KCNIP1: variants seen among roughly 807,000 people sequenced by gnomAD.
KCNIP1 encodes the protein potassium voltage-gated channel interacting protein 1.
KCNIP1 carries 18 observed loss-of-function variants against 33.0 expected under a neutral mutation model. The observed-to-expected ratio is 0.55, with a 90% CI of 0.38 to 0.81. The LOEUF is 0.81. KCNIP1 is among the 30% of genes least tolerant of loss of function. The pLI, the probability that KCNIP1 is intolerant of heterozygous loss-of-function variation, is 0.00. For missense variants in KCNIP1, 238 were observed against 271.6 expected, an observed-to-expected ratio of 0.88 and a Z score of 0.87; for synonymous variants, 93 against 98.3, an observed-to-expected ratio of 0.95 and a Z score of 0.32.
chr5:170,375,695 T>TCCTA (rs1763971654), intron 1 of KCNIP1: 1 of 152,342 alleles, frequency 6.6e-6, no homozygotes, highest in African/African-American at 2.4e-5. Context: ...CAGGCTTGAG[T>TCCTA]CCTAGCCCCT....
At chr5:170,413,204 G>T (rs572506483) in intron 1 of KCNIP1, among the ~76,000 whole-genome samples, 2 of 152,308 alleles carry the variant, frequency 1.3e-5, no homozygotes, top group African/African-American at 4.8e-5. Context: ...TTCCTGTGCC[G>T]ACCTGCATTG....
chr5:170,561,708 A>G (rs184918921), intron 1 of KCNIP1, among the ~76,000 whole-genome samples: 2 of 152,362 alleles, frequency 1.3e-5, no homozygotes, highest in Non-Finnish European at 2.9e-5. Context: ...GGCACACAGT[A>G]GGTACACAAG....
At chr5:170,353,808 C>A (rs1763273524) in exon 1 of KCNIP1, 2 of 1,454,528 alleles carry the variant, frequency 1.4e-6, no homozygotes, top group African/African-American at 1.4e-5. Context: ...CTCCAAGTTC[C>A]TGGGGTGCAC....
chr5:170,521,187 C>G (rs1755352060), intron 1 of KCNIP1, among the ~76,000 whole-genome samples: 1 of 152,206 alleles, frequency 6.6e-6, no homozygotes, highest in Non-Finnish European at 1.5e-5. Context: ...ATCCATCAGC[C>G]ATGGCAGACA....
intron 1 of KCNIP1, among the ~76,000 whole-genome samples, chr5:170,647,111 G>T (rs1235875735): frequency 3.9e-5 from 6 of 152,134 alleles, no homozygotes; most frequent in African/African-American, 1.4e-4. Context: ...AATCGAAGAA[G>T]AGCCAAATAA....
intron 1 of KCNIP1, among the ~76,000 whole-genome samples, chr5:170,667,204 C>T (rs1247499399): frequency 1.3e-5 from 2 of 151,292 alleles, no homozygotes; most frequent in Non-Finnish European, 2.9e-5. Context: ...CCCAGCTACC[C>T]GGGAGGCTGA....
chr5:170,402,206 G>A (rs1463318137), intron 1 of KCNIP1, among the ~76,000 whole-genome samples: 1 of 149,928 alleles, frequency 6.7e-6, no homozygotes. Flanking sequence ...GTTTAATAAT[G>A]TCTACAAAGA....
At chr5:170,679,436 A>T (rs1226479982) in intron 1 of KCNIP1, among the ~76,000 whole-genome samples, 4 of 152,168 alleles carry the variant, frequency 2.6e-5, no homozygotes. Context: ...CTCCCTTTTC[A>T]CAAAGAAGGA....
intron 1 of KCNIP1, among the ~76,000 whole-genome samples, chr5:170,671,624 C>T (rs1172722264): frequency 6.6e-6 from 1 of 152,170 alleles, no homozygotes; most frequent in African/African-American, 2.4e-5. Flanking sequence ...ATGTCTGTCT[C>T]CCCCAGTATG....
At position 170,390,517 on chromosome 5, in the gene KCNIP1, A is replaced by AAATATATATATAT; in HGVS notation, c.88+36554_88+36555insATATATATATATA. The stretch of plus-strand genomic sequence containing the variant: ...GACCCCGTCTCAAAAAAAAAAAACA[A>AAATATATATATAT]ATATATATATATATATATATATTTT... On this transcript the variant is annotated intron_variant, in intron 1 of 7. Transcript: ENST00000377360. Among the ~76,000 whole-genome samples, 279 of 74,426 alleles carry AAATATATATATAT rather than the reference A, an allele frequency of 3.7e-3. 14 individuals are homozygous for AAATATATATATAT. The highest frequency in any genetic ancestry group is 5.3e-3 in the Non-Finnish European group (212 of 40,148). 48.8% of individuals were successfully genotyped at this position (74,426 alleles called of 152,430 possible). A position where few individuals can be genotyped will look rare whatever the true frequency, so the allele number is the denominator to read the frequency against.
At chr5:170,457,137 T>C (rs1369655547) in intron 1 of KCNIP1, among the ~76,000 whole-genome samples, 2 of 152,150 alleles carry the variant, frequency 1.3e-5, no homozygotes, top group Non-Finnish European at 2.9e-5. Context: ...ACAAAAAGTA[T>C]AGAGGAATAC....
intron 1 of KCNIP1, among the ~76,000 whole-genome samples, chr5:170,473,470 C>G (rs1756781786): frequency 1.3e-5 from 2 of 152,182 alleles, no homozygotes; most frequent in Admixed American, 6.5e-5. Context: ...AATTAGAACT[C>G]TGGCCAACTC....
At chr5:170,599,930 G>A (rs1372544762) in intron 1 of KCNIP1, among the ~76,000 whole-genome samples, 1 of 152,194 alleles carries the variant, frequency 6.6e-6, no homozygotes, top group African/African-American at 2.4e-5. Context: ...TTCTGTTTAG[G>A]AGAAAAGTGG....
At chr5:170,432,798 C>T (rs1002078074) in intron 1 of KCNIP1, among the ~76,000 whole-genome samples, 1 of 152,130 alleles carries the variant, frequency 6.6e-6, no homozygotes, top group African/African-American at 2.4e-5. Context: ...ATTAATATCC[C>T]CATTTTACAG....
At chr5:170,545,085 T>C (rs1756362796) in intron 1 of KCNIP1, among the ~76,000 whole-genome samples, 1 of 152,208 alleles carries the variant, frequency 6.6e-6, no homozygotes, top group Admixed American at 6.5e-5. Flanking sequence ...TTTTGCTGAT[T>C]TTCAGCATTT....
In KCNIP1 at chr5:170,460,900, G is replaced by GA. The variant is rs1756488408; in HGVS notation, c.88+106941dup. On this transcript the variant is annotated intron_variant, in intron 1 of 7. Coordinates refer to the KCNIP1 transcript ENST00000377360. Reference sequence around the variant, plus strand: ...TGCTGATGATATTATTGTTTACCTAGAAAAACCTAAAGATGCCTCCAGAAA... The same window carrying GA: ...TGCTGATGATATTATTGTTTACCTAGAAAAAACCTAAAGATGCCTCCAGAAA... Among the ~76,000 whole-genome samples, 13 of 152,254 alleles carry GA rather than the reference G, an allele frequency of 8.5e-5. No homozygotes were observed. The South Asian group carries it at 2.7e-3, about 32-fold the overall frequency.
intron 1 of KCNIP1, among the ~76,000 whole-genome samples, chr5:170,388,963 TA>T (rs998770633): frequency 6.6e-6 from 1 of 152,222 alleles, no homozygotes; most frequent in African/African-American, 2.4e-5. Flanking sequence ...CCCACCTCTC[TA>T]CCGGTGACAA....
chr5:170,367,883 T>A (rs1336683114), intron 1 of KCNIP1, among the ~76,000 whole-genome samples: 1 of 152,216 alleles, frequency 6.6e-6, no homozygotes, highest in Non-Finnish European at 1.5e-5. Context: ...AAGCAAATCA[T>A]CACAGCTGTG....
intron 1 of KCNIP1, among the ~76,000 whole-genome samples, chr5:170,628,207 C>T (rs532215660): frequency 2.0e-5 from 3 of 152,272 alleles, no homozygotes; most frequent in African/African-American, 7.2e-5. Context: ...GTCTATTAAC[C>T]ACAGCCGGTA....
Sources: allele counts gnomAD v4.1 joint callset (sites outside exome capture counted in the v4.1 genomes callset), GRCh38; gene constraint gnomAD v4.1.1; transcripts MANE v1.5; gene names NCBI Gene and HGNC (gene_info 2026-07-23, HGNC 2026-07-21).